Variants in DNAH7 observed in about 807,000 individuals in gnomAD.
DNAH7 encodes axonemal beta dynein heavy chain 7.
A neutral mutation model predicts 444.6 loss-of-function variants in DNAH7; 397 were observed. The observed-to-expected ratio is 0.89, with a 90% CI of 0.82 to 0.97. DNAH7 has a LOEUF of 0.97. Among genes scored for constraint, DNAH7 ranks in the 50% least tolerant of loss-of-function variants. DNAH7 has a pLI of 0.00. For synonymous variants in DNAH7, 1,636 were observed against 1,624.4 expected (o/e 1.01, Z -0.17); for missense variants, 4,902 against 4,800.8 (o/e 1.02, Z -0.62).
intron 2 of DNAH7, among the ~76,000 whole-genome samples, chr2:196,053,309 G>A (rs2125869837): frequency 6.6e-6 from 1 of 152,346 alleles, no homozygotes; most frequent in South Asian, 2.1e-4. Context: ...GCAATAGAGA[G>A]CCACTGCAGT....
chr2:195,848,117 G>A (rs1360961968), intron 46 of DNAH7, among the ~76,000 whole-genome samples: 1 of 152,232 alleles, frequency 6.6e-6, no homozygotes, highest in Non-Finnish European at 1.5e-5. Context: ...GGTGCTGGGT[G>A]CTCACAGGTG....
At chr2:195,744,673 C>G (rs1444671132) in intron 63 of DNAH7, among the ~76,000 whole-genome samples, 1 of 152,192 alleles carries the variant, frequency 6.6e-6, no homozygotes, top group African/African-American at 2.4e-5. Context: ...GAGGAACAAT[C>G]AGACAGCAGC....
In DNAH7 at chr2:195,754,371, C is replaced by T. The variant is rs1574376538; in HGVS notation, c.11730G>A (p.Met3910Ile). Residue 3910 changes from methionine to isoleucine, a missense_variant, in exon 63 of 65, where the codon ATG becomes ATA. Transcript: ENST00000312428. ...GAGGATGCTTGTATTCTTTGTCTTCCATCACTTCATAGTCAAACCCAAGAA... is the reference window on the plus strand; with the variant it reads ...GAGGATGCTTGTATTCTTTGTCTTCTATCACTTCATAGTCAAACCCAAGAA... ...IDLLGFDYEV[M>I]EDKEYKHPPE... 1.2e-6 allele frequency: 2 copies of T among 1,613,926 alleles called. No homozygotes were observed. Among genetic ancestry groups the T allele is most frequent in the East Asian group, 4.5e-5 (2 of 44,868 alleles).
intron 50 of DNAH7, among the ~76,000 whole-genome samples, chr2:195,817,416 A>C (rs1472675224): frequency 1.3e-5 from 2 of 152,072 alleles, no homozygotes; most frequent in African/African-American, 2.4e-5. Flanking sequence ...GAATACCAAA[A>C]CTCTTGTGCT....
intron 19 of DNAH7, among the ~76,000 whole-genome samples, chr2:195,952,054 T>C (rs1285996206): frequency 6.6e-6 from 1 of 152,260 alleles, no homozygotes; most frequent in Non-Finnish European, 1.5e-5. Flanking sequence ...GGTATGTTTT[T>C]GCAGTGGCTG....
At chr2:196,031,323 G>A (rs998467192) in intron 5 of DNAH7, among the ~76,000 whole-genome samples, 1 of 152,184 alleles carries the variant, frequency 6.6e-6, no homozygotes, top group African/African-American at 2.4e-5. Flanking sequence ...CCTGGGCCTG[G>A]CCCACAGAAC....
chr2:195,746,892 T>A (rs549061896), intron 63 of DNAH7, among the ~76,000 whole-genome samples: 2 of 151,260 alleles, frequency 1.3e-5, no homozygotes, highest in African/African-American at 2.4e-5. Flanking sequence ...CAAGAGAAAG[T>A]AGGAAAGATC....
At chr2:196,029,067 T>C (rs138078026) in intron 5 of DNAH7, among the ~76,000 whole-genome samples, 1 of 152,308 alleles carries the variant, frequency 6.6e-6, no homozygotes, top group African/African-American at 2.4e-5. Flanking sequence ...AATGCAAGTA[T>C]GAAAGTAGAA....
intron 25 of DNAH7, among the ~76,000 whole-genome samples, 190 bp from the exon 26 acceptor site, chr2:195,907,199 T>C (rs1190170487): frequency 6.6e-6 from 1 of 152,198 alleles, no homozygotes; most frequent in Non-Finnish European, 1.5e-5. Flanking sequence ...AAGAGTTTGA[T>C]CAATTGGAAA....
At chr2:195,830,370 T>G (rs769863878) in intron 48 of DNAH7, among the ~76,000 whole-genome samples, 3 of 152,202 alleles carry the variant, frequency 2.0e-5, no homozygotes, top group Non-Finnish European at 2.9e-5. Context: ...CTCTTGCATG[T>G]AGGACATTAA....
chr2:195,844,580 T>A (rs992727967), intron 47 of DNAH7, among the ~76,000 whole-genome samples: 1 of 152,066 alleles, frequency 6.6e-6, no homozygotes, highest in African/African-American at 2.4e-5. Context: ...CAGAAATACA[T>A]CCATCTAATT....
Position 195,972,337 on chromosome 2 carries a change from TATTATTTAGCCTC to T in DNAH7, c.1950_1962del (p.Met650IlefsTer25). 6.2e-7 allele frequency: 1 copy of T among 1,614,134 alleles called. No individual in the cohort carries two copies. On this transcript the variant is annotated frameshift_variant, in exon 16 of 65. Transcript: ENST00000312428. LOFTEE classifies it high-confidence loss of function. ...ATCCTTCCATACCACTGGAAAACAC[TATTATTTAGCCTC>T]ATGTCTGCTGGAGAAAAGTTGACAT...
intron 13 of DNAH7, 24 bp from the exon 14 acceptor site, chr2:195,987,217 C>G (rs1312047977): frequency 6.6e-7 from 1 of 1,511,490 alleles, no homozygotes; most frequent in Admixed American, 2.3e-5. Flanking sequence ...AAAGTTTAAT[C>G]AACATAAGAA....
At chr2:195,891,883 A>C in intron 30 of DNAH7, 79 bp from the exon 31 acceptor site, 1 of 1,136,250 alleles carries the variant, frequency 8.8e-7, no homozygotes, top group Non-Finnish European at 1.2e-6. Context: ...ACATACAGAA[A>C]ATCCTAAGGA....
intron 29 of DNAH7, among the ~76,000 whole-genome samples, chr2:195,896,250 G>A (rs375540672): frequency 3.9e-5 from 6 of 152,158 alleles, no homozygotes; most frequent in South Asian, 2.1e-4. Flanking sequence ...ATTTTGTTAC[G>A]GTTTTGATTT....
chr2:196,034,547 T>C (rs1295104066), intron 5 of DNAH7, among the ~76,000 whole-genome samples: 1 of 152,212 alleles, frequency 6.6e-6, no homozygotes, highest in African/African-American at 2.4e-5. Context: ...TAAATATATG[T>C]AGAAATGCAA....
chr2:196,011,558 G>A (rs908386473), intron 10 of DNAH7, among the ~76,000 whole-genome samples: 1 of 152,046 alleles, frequency 6.6e-6, no homozygotes, highest in African/African-American at 2.4e-5. Flanking sequence ...GGAAGATGAG[G>A]ACGATGAAAA....
chr2:195,805,533 T>C (rs1283476466), intron 54 of DNAH7, among the ~76,000 whole-genome samples: 1 of 152,116 alleles, frequency 6.6e-6, no homozygotes, highest in East Asian at 1.9e-4. Context: ...TCATAAAGAA[T>C]GCTAAACTAC....
intron 62 of DNAH7, 87 bp from the exon 63 acceptor site, chr2:195,754,601 G>A (rs1693980714): frequency 1.4e-6 from 2 of 1,389,954 alleles, no homozygotes; most frequent in Non-Finnish European, 1.9e-6. Context: ...GGTTGCCCAG[G>A]CAGGGCTCAG....
Sources: gnomAD v4.1 joint callset for allele counts (sites outside exome capture counted in the v4.1 genomes callset) on GRCh38, gnomAD v4.1.1 for gene constraint, MANE v1.5 for transcripts, NCBI Gene and HGNC (gene_info 2026-07-23, HGNC 2026-07-21) for gene names.